The following RERE variants were observed in gnomAD, a reference collection of about 807,000 sequenced individuals.
The protein encoded by RERE is arginine-glutamic acid dipeptide repeats protein.
A neutral mutation model predicts 146.1 loss-of-function variants in RERE; 40 were observed. The ratio of observed to expected loss-of-function variants is 0.27; its 90% CI spans 0.21 to 0.36. RERE has a LOEUF of 0.36. Among genes scored for constraint, RERE ranks in the 10% least tolerant of loss-of-function variants. The pLI is 1.00. For missense variants in RERE, 1,933 were observed against 2,138.7 expected, an observed-to-expected ratio of 0.90 and a Z score of 1.90; for synonymous variants, 1,003 against 866.0, an observed-to-expected ratio of 1.16 and a Z score of -2.78.
chr1:8,812,246 A>G (rs954589965), intron 1 of RERE, among the ~76,000 whole-genome samples: 2 of 152,246 alleles, frequency 1.3e-5, no homozygotes, highest in African/African-American at 2.4e-5. Context: ...TCAAATACCG[A>G]GTGGTTTATG....
chr1:8,788,191 G>C (rs1162143545), intron 1 of RERE, among the ~76,000 whole-genome samples: 1 of 151,934 alleles, frequency 6.6e-6, no homozygotes, highest in Non-Finnish European at 1.5e-5. Flanking sequence ...ATGGAAATAA[G>C]CCAAGTGCCC....
chr1:8,785,882 A>G (rs1315013708), intron 1 of RERE, among the ~76,000 whole-genome samples: 1 of 152,098 alleles, frequency 6.6e-6, no homozygotes, highest in African/African-American at 2.4e-5. Context: ...TCGGCCTCCC[A>G]AAGTGCTGGG....
At chr1:8,458,069 C>A (rs555953690) in intron 11 of RERE, among the ~76,000 whole-genome samples, 95 of 152,284 alleles carry the variant, frequency 6.2e-4, no homozygotes, top group African/African-American at 2.3e-3. Flanking sequence ...AAATGTAAGA[C>A]TCCAATGTCA....
chr1:8,529,140 G>A (rs992684088), intron 7 of RERE, among the ~76,000 whole-genome samples: 2 of 152,148 alleles, frequency 1.3e-5, no homozygotes, highest in African/African-American at 4.8e-5. Flanking sequence ...GGTGAATTGA[G>A]TAAAAGATAT....
At chr1:8,638,859 C>G (rs868265550) in intron 2 of RERE, among the ~76,000 whole-genome samples, 19 of 147,522 alleles carry the variant, frequency 1.3e-4, no homozygotes, top group African/African-American at 4.8e-4. Flanking sequence ...CGCGAAGCTC[C>G]GCCTCCCGTG....
intron 12 of RERE, among the ~76,000 whole-genome samples, chr1:8,390,049 T>C (rs1044797084): frequency 6.6e-6 from 1 of 152,138 alleles, no homozygotes; most frequent in African/African-American, 2.4e-5. Flanking sequence ...ACAGTGAGGA[T>C]GTTAACATAA....
At chr1:8,548,741 T>C (rs936021777) in intron 6 of RERE, among the ~76,000 whole-genome samples, 5 of 152,158 alleles carry the variant, frequency 3.3e-5, no homozygotes, top group African/African-American at 1.2e-4. Flanking sequence ...TCCCAGCACC[T>C]CGGGAGGCTG....
chr1:8,609,050 T>A (rs1646757817), intron 4 of RERE, among the ~76,000 whole-genome samples: 1 of 152,084 alleles, frequency 6.6e-6, no homozygotes, highest in African/African-American at 2.4e-5. Context: ...AAACCCTATC[T>A]CTACTAAAAA....
chr1:8,391,581 A>G (rs1267467319), intron 12 of RERE, among the ~76,000 whole-genome samples: 1 of 150,586 alleles, frequency 6.6e-6, no homozygotes, highest in Non-Finnish European at 1.5e-5. Context: ...TTCCCTCCTC[A>G]TCTCTGGGGT....
At chr1:8,640,864 T>C (rs972357812) in intron 2 of RERE, among the ~76,000 whole-genome samples, 3 of 152,166 alleles carry the variant, frequency 2.0e-5, no homozygotes, top group African/African-American at 7.2e-5. Context: ...AGGAGTAAAA[T>C]AGTGAAGCAT....
chr1:8,746,925 CCAGA>C lies in RERE; in HGVS notation c.-145+70231_-145+70234del, dbSNP rs71580046. On this transcript the variant is annotated intron_variant, in intron 1 of 22. Transcript: ENST00000400908. ...AAGGGAGAGGGAGAGAGAGACAGAG[CCAGA>C]CAGACAGACACCCCAAGATGGCATT... is the stretch of plus-strand genomic sequence containing the variant. 9.9e-3 allele frequency among the ~76,000 whole-genome samples: 1,486 copies of C among 149,422 alleles called. 12 individuals carry two copies. The highest frequency in any genetic ancestry group is 0.015 in the Non-Finnish European group (997 of 67,212).
intron 4 of RERE, among the ~76,000 whole-genome samples, chr1:8,601,678 C>T (rs527993333): frequency 1.2e-3 from 72 of 58,032 alleles, no homozygotes; most frequent in African/African-American, 4.3e-3. Flanking sequence ...ACACATCTTC[C>T]TTCCATGATC....
chr1:8,537,082 C>T lies in RERE; in HGVS notation c.830+4132G>A, dbSNP rs112495575. 8.8e-3 allele frequency among the ~76,000 whole-genome samples: 1,333 copies of T among 152,168 alleles called. 12 individuals are homozygous for T. Among genetic ancestry groups the T allele is most frequent in the African/African-American group, 0.029 (1,222 of 41,502 alleles). On this transcript the variant is annotated intron_variant, in intron 7 of 22. Coordinates refer to ENST00000400908, the MANE Select transcript of RERE (RefSeq NM_001042681.2). ...AGCCAGGGATGATGGCGCACACCTG[C>T]AGTCCCAGCTACTTGGGAGGATGAG...
At chr1:8,686,875 G>T (rs1453347026) in intron 1 of RERE, among the ~76,000 whole-genome samples, 6 of 152,172 alleles carry the variant, frequency 3.9e-5, no homozygotes, top group Non-Finnish European at 7.3e-5. Flanking sequence ...ACTCGAAAGC[G>T]GGACGGTGAG....
At chr1:8,774,951 C>CTTTCTTTTTTTTTTTTT (rs1641034952) in intron 1 of RERE, among the ~76,000 whole-genome samples, 1 of 47,944 alleles carries the variant, frequency 2.1e-5, no homozygotes, top group African/African-American at 7.2e-5. Flanking sequence ...TTCTTTCTTT[C>CTTTCTTTTTTTTTTTTT]TTTTTTTTTT....
chr1:8,423,792 G>C lies in RERE; in HGVS notation c.1204-985C>G. On this transcript the variant is annotated intron_variant, in intron 11 of 22. Transcript: ENST00000400908. This position sits in a 1 kb window ranked among gnomAD's most constrained non-coding sequence, Gnocchi z 5.4. ...TGACGGGGGAGGAGGCAGGAGCGCG[G>C]CGCGCAGAGCCCGGCGCGGCCGCGG... 1.5e-6 allele frequency: 1 copy of C among 686,612 alleles called. No individual in the cohort carries two copies. Among genetic ancestry groups the C allele is most frequent in the African/African-American group, 2.0e-5 (1 of 50,820 alleles). The allele number at this position is 686,612 out of a possible 1,614,324, so 42.5% of individuals were successfully genotyped here.
At chr1:8,478,089 T>C (rs1644778010) in intron 10 of RERE, among the ~76,000 whole-genome samples, 1 of 152,236 alleles carries the variant, frequency 6.6e-6, no homozygotes, top group Admixed American at 6.5e-5. Context: ...CTCACAATTC[T>C]AGCTTTCCCA....
Position 8,355,072 on chromosome 1 carries a change from T to C in RERE, c.*15A>G. ...GAACTGGGGTTTCCACAGCCAGCGT[T>C]AACAAATAAATAACTTATAACTGCT... On this transcript the variant is annotated 3_prime_UTR_variant, in exon 23 of 23. Coordinates refer to ENST00000400908, the MANE Select transcript of RERE (RefSeq NM_001042681.2). The C allele has an allele frequency of 1.9e-6, 3 of 1,612,458 alleles. No individual in the cohort carries two copies. Among genetic ancestry groups the C allele is most frequent in the Non-Finnish European group, 2.5e-6 (3 of 1,178,790 alleles).
chr1:8,471,057 C>A (rs994024984), intron 10 of RERE, among the ~76,000 whole-genome samples: 1 of 151,552 alleles, frequency 6.6e-6, no homozygotes, highest in Non-Finnish European at 1.5e-5. Flanking sequence ...CCTCATGATC[C>A]CCCCCTGCCT....
Sources: gnomAD v4.1 joint callset for allele counts (sites outside exome capture counted in the v4.1 genomes callset) on GRCh38, gnomAD v4.1.1 for gene constraint, Gnocchi (gnomAD v3.1) non-coding constraint, MANE v1.5 for transcripts, NCBI Gene and HGNC (gene_info 2026-07-23, HGNC 2026-07-21) for gene names.